Variants in PTPN3 observed in about 807,000 individuals in gnomAD.
The protein encoded by PTPN3 is protein tyrosine phosphatase non-receptor type 3.
In PTPN3, 96 loss-of-function variants were observed where a neutral mutation model predicts 132.7. The ratio of observed to expected loss-of-function variants is 0.72; its 90% confidence interval spans 0.61 to 0.86. The LOEUF (loss-of-function observed/expected upper bound fraction) is 0.86, where lower values mean the gene tolerates loss of function less well. PTPN3 is among the 40% of genes least tolerant of loss of function. The probability of loss-of-function intolerance (pLI) is 0.00; values close to 1 mark genes in which losing one functional copy is unlikely to be tolerated. For synonymous variants in PTPN3, 398 were observed against 429.0 expected (o/e 0.93, Z 0.89); for missense variants, 1,125 against 1,159.6 (o/e 0.97, Z 0.43).
Position 109,420,472 on chromosome 9 carries a change from G to A in PTPN3, c.1265C>T (p.Pro422Leu), listed in dbSNP as rs1482005343. The change falls in exon 14 of 26, where the codon CCT becomes CTT. Residue 422 changes from proline (P) to leucine (L), a missense_variant. Transcript: ENST00000374541. Reference protein sequence around the residue: ...VFYTYKGSLAPQDSDSEVSQN... With the variant: ...VFYTYKGSLALQDSDSEVSQN... ...AGAAACTTCAGAATCGCTGTCTTGA[G>A]GGGCCAGAGAGCCCTTGTACGTGTA... The A allele has an allele frequency of 5.0e-6, 8 of 1,611,994 alleles. No individual in the cohort carries two copies. In the East Asian group the frequency reaches 1.6e-4, roughly 31 times the overall value.
chr9:109,412,493 C>T (rs368688860), intron 14 of PTPN3, among the ~76,000 whole-genome samples: 2 of 152,232 alleles, frequency 1.3e-5, no homozygotes, highest in African/African-American at 4.8e-5. Context: ...CCAACCTCAG[C>T]CTCCTGAGTA....
chr9:109,434,091 C>T (rs1588419805), intron 9 of PTPN3, among the ~76,000 whole-genome samples: 5 of 152,128 alleles, frequency 3.3e-5, no homozygotes. Flanking sequence ...AATAGTTCCT[C>T]CTCTTGAGTC....
chr9:109,460,856 G>A lies in PTPN3; in HGVS notation c.138+2441C>T, dbSNP rs80238455. Among the ~76,000 whole-genome samples the A allele has an allele frequency of 1.8e-3, 280 of 152,276 alleles. 13 individuals carry two copies. In the East Asian group the frequency reaches 0.048, roughly 26 times the overall value. On this transcript the variant is annotated intron_variant, in intron 2 of 25. Transcript: ENST00000374541. ...GGGATTTTGTTCTGTTTTGTGCACT[G>A]TTGCCATTTTTTGTACCCAGAACAA...
intron 7 of PTPN3, among the ~76,000 whole-genome samples, chr9:109,443,433 A>G (rs897433305): frequency 1.3e-5 from 2 of 151,878 alleles, no homozygotes; most frequent in Non-Finnish European, 2.9e-5. Context: ...CTGGTCTCAG[A>G]CTCTGGGGTT....
chr9:109,402,244 T>G (rs1243189871), intron 19 of PTPN3, among the ~76,000 whole-genome samples: 1 of 152,182 alleles, frequency 6.6e-6, no homozygotes, highest in Non-Finnish European at 1.5e-5. Flanking sequence ...AAATGTGAAC[T>G]TTTTTGAAAG....
At chr9:109,420,394 C>T in intron 14 of PTPN3, 30 bp downstream of exon 14, 1 of 1,560,810 alleles carries the variant, frequency 6.4e-7, no homozygotes, top group Non-Finnish European at 8.7e-7. Flanking sequence ...AAAGCAAATA[C>T]CCAGAAATAA....
chr9:109,520,396 TAAAG>T, the PTPN3 span, among the ~76,000 whole-genome samples: 3 of 151,650 alleles, frequency 2.0e-5, no homozygotes, highest in African/African-American at 4.9e-5. Context: ...CAAATAAAAA[TAAAG>T]AAAGAAAGAA....
intron 21 of PTPN3, among the ~76,000 whole-genome samples, chr9:109,390,323 T>C (rs1269566741): frequency 1.3e-5 from 2 of 152,154 alleles, no homozygotes; most frequent in African/African-American, 4.8e-5. Flanking sequence ...TATTTAGGAG[T>C]TGGCAGACCA....
intron 14 of PTPN3, among the ~76,000 whole-genome samples, chr9:109,413,024 C>T (rs978193641): frequency 6.6e-6 from 1 of 151,018 alleles, no homozygotes; most frequent in South Asian, 2.1e-4. Context: ...ATTGCAAGCT[C>T]AAGCTCCACC....
the PTPN3 span, among the ~76,000 whole-genome samples, chr9:109,514,388 A>G: frequency 2.0e-4 from 31 of 152,342 alleles, no homozygotes; most frequent in African/African-American, 7.5e-4. Flanking sequence ...ATTTGAGGGT[A>G]ACAAATGTAT....
intron 19 of PTPN3, among the ~76,000 whole-genome samples, chr9:109,398,189 A>C (rs1840756934): frequency 6.6e-6 from 1 of 152,148 alleles, no homozygotes; most frequent in Non-Finnish European, 1.5e-5. Flanking sequence ...CACGAGAATC[A>C]CTTGAATCAC....
chr9:109,465,708 A>AAT (rs1846070404), intron 1 of PTPN3, among the ~76,000 whole-genome samples: 1 of 133,774 alleles, frequency 7.5e-6, no homozygotes, highest in Non-Finnish European at 1.6e-5. Context: ...CTCTGTCTCA[A>AAT]AAAAAAAAAA....
At chr9:109,395,190 G>A (rs765211089) in intron 19 of PTPN3, among the ~76,000 whole-genome samples, 6 of 151,146 alleles carry the variant, frequency 4.0e-5, no homozygotes, top group Non-Finnish European at 7.4e-5. Context: ...GGGGATAGGA[G>A]TCAGGAGACT....
At chr9:109,431,959 A>G (rs1843691957) in intron 10 of PTPN3, among the ~76,000 whole-genome samples, 1 of 151,698 alleles carries the variant, frequency 6.6e-6, no homozygotes, top group African/African-American at 2.4e-5. Context: ...GGACTTGGAC[A>G]CAGTAAGCAT....
At chr9:109,438,710 G>A (rs1207969965) in intron 7 of PTPN3, among the ~76,000 whole-genome samples, 2 of 152,184 alleles carry the variant, frequency 1.3e-5, no homozygotes, top group African/African-American at 4.8e-5. Flanking sequence ...TAGGCAGAAG[G>A]GAGGCCATGC....
chr9:109,529,215 G>A, the PTPN3 span, among the ~76,000 whole-genome samples: 1 of 152,204 alleles, frequency 6.6e-6, no homozygotes, highest in Non-Finnish European at 1.5e-5. Context: ...AAGGGCTGCA[G>A]GTCCAGCAGC....
Position 109,457,161 on chromosome 9 carries a change from G to C in PTPN3, c.289+12C>G. The C allele has an allele frequency of 6.2e-7, 1 of 1,612,690 alleles. No individual in the cohort carries two copies. Among genetic ancestry groups the C allele is most frequent in the Non-Finnish European group, 8.5e-7 (1 of 1,178,720 alleles). ...ACCTAATGTTCGACTGAAATGAAAAGATCACACCAACCTTTTAACTGCTTC... is the reference window on the plus strand; with the variant it reads ...ACCTAATGTTCGACTGAAATGAAAACATCACACCAACCTTTTAACTGCTTC... On this transcript the variant is annotated intron_variant, in intron 4 of 25. Coordinates refer to ENST00000374541, the MANE Select transcript of PTPN3 (RefSeq NM_002829.4).
intron 5 of PTPN3, chr9:109,449,510 T>C: frequency 1.0e-6 from 1 of 985,518 alleles, no homozygotes; most frequent in Non-Finnish European, 1.2e-6. Flanking sequence ...AGACCTGTTT[T>C]GTGGGCAAGT....
intron 2 of PTPN3, among the ~76,000 whole-genome samples, chr9:109,462,912 T>C (rs1171323177): frequency 6.6e-6 from 1 of 151,608 alleles, no homozygotes; most frequent in East Asian, 2.0e-4. Context: ...TAATCACTAC[T>C]TGAAAAAATG....
Sources: allele counts gnomAD v4.1 joint callset (sites outside exome capture counted in the v4.1 genomes callset), GRCh38; gene constraint gnomAD v4.1.1; transcripts MANE v1.5; gene names NCBI Gene and HGNC (gene_info 2026-07-23, HGNC 2026-07-21).